Variants in ZNF787 observed in about 807,000 individuals in gnomAD.
The protein encoded by ZNF787 is TTF-I-interacting peptide 20.
A neutral mutation model predicts 16.9 loss-of-function variants in ZNF787; 7 were observed. That is an observed-to-expected ratio of 0.42 (90% CI 0.24 to 0.78). The LOEUF is 0.78. Ranked by LOEUF, ZNF787 falls within the 30% of genes least tolerant of loss-of-function variation. The pLI, the probability that ZNF787 is intolerant of heterozygous loss-of-function variation, is 0.30. For missense variants in ZNF787, 551 were observed against 589.3 expected (o/e 0.94, Z 0.67); for synonymous variants, 345 against 270.9 (o/e 1.27, Z -2.69).
At chr19:56,090,323 A>G (rs609755) in intron 2 of ZNF787, among the ~76,000 whole-genome samples, 144,702 of 152,176 alleles carry the variant, frequency 0.95, 69,432 homozygotes, top group African/African-American at 0.99. Flanking sequence ...GTCGAGTCAC[A>G]GCCCACAGCT....
intron 1 of ZNF787, among the ~76,000 whole-genome samples, chr19:56,111,712 C>T (rs562071874): frequency 1.3e-5 from 2 of 152,090 alleles, no homozygotes; most frequent in South Asian, 4.2e-4. Context: ...TCCCAACTTC[C>T]TCTCCGAGAA....
chr19:56,114,554 G>T (rs138983290), intron 1 of ZNF787, among the ~76,000 whole-genome samples: 236 of 151,972 alleles, frequency 1.6e-3, no homozygotes, highest in African/African-American at 5.4e-3. Flanking sequence ...GCCGGGCTCA[G>T]TCCTCCACCT....
At chr19:56,096,490 G>A (rs941636733) in intron 2 of ZNF787, among the ~76,000 whole-genome samples, 1 of 151,800 alleles carries the variant, frequency 6.6e-6, no homozygotes, top group African/African-American at 2.4e-5. Flanking sequence ...CGAGGCGGGT[G>A]GATCACGAGG....
At chr19:56,092,058 C>G (rs541068999) in intron 2 of ZNF787, among the ~76,000 whole-genome samples, 92 of 142,556 alleles carry the variant, frequency 6.5e-4, no homozygotes, top group African/African-American at 2.7e-3. Context: ...CTCACCCTCA[C>G]CCTCACCCTC....
At position 56,087,836 on chromosome 19, in the gene ZNF787, T is replaced by C. The variant is rs1985350170; in HGVS notation, c.*187A>G. ...GGGGCAGAGTCTCGAGGCGGAGAAGTGAACGGGCCCTAATACGCCCCAGTG... is the reference window on the plus strand; with the variant it reads ...GGGGCAGAGTCTCGAGGCGGAGAAGCGAACGGGCCCTAATACGCCCCAGTG... On this transcript the variant is annotated 3_prime_UTR_variant, in exon 3 of 3. Transcript: ENST00000610935. 3.1e-6 allele frequency: 3 copies of C among 953,564 alleles called. No individual in the cohort carries two copies. Among genetic ancestry groups the C allele is most frequent in the Non-Finnish European group, 4.1e-6 (3 of 736,700 alleles). The allele number at this position is 953,564 out of a possible 1,614,324, so 59.1% of individuals were successfully genotyped here. A position where few individuals can be genotyped will look rare whatever the true frequency, so the allele number is the denominator to read the frequency against.
chr19:56,102,987 G>A (rs2123410231), intron 2 of ZNF787, 152 bp downstream of exon 2: 1 of 779,744 alleles, frequency 1.3e-6, no homozygotes, highest in East Asian at 2.6e-5. Context: ...GGAGTGCAAG[G>A]CCCAGGGCGG....
At chr19:56,105,244 C>G (rs928033243) in intron 1 of ZNF787, among the ~76,000 whole-genome samples, 1 of 152,174 alleles carries the variant, frequency 6.6e-6, no homozygotes, top group Non-Finnish European at 1.5e-5. Flanking sequence ...CCTGAACCCT[C>G]GCACAGATCA....
chr19:56,107,424 G>A (rs1029249383), intron 1 of ZNF787, among the ~76,000 whole-genome samples: 1 of 152,062 alleles, frequency 6.6e-6, no homozygotes, highest in African/African-American at 2.4e-5. Context: ...CAGCAGACAT[G>A]GGGTCACCAG....
chr19:56,095,840 T>C (rs1268481912), intron 2 of ZNF787, among the ~76,000 whole-genome samples: 1 of 152,168 alleles, frequency 6.6e-6, no homozygotes, highest in Non-Finnish European at 1.5e-5. Context: ...CCTGCCCAGC[T>C]TTGCAGTGAA....
At chr19:56,107,877 A>G (rs1475453962) in intron 1 of ZNF787, among the ~76,000 whole-genome samples, 1 of 147,210 alleles carries the variant, frequency 6.8e-6, no homozygotes, top group Non-Finnish European at 1.5e-5. Context: ...GGGCTGCGGA[A>G]GAGAGAGCTT....
Position 56,087,745 on chromosome 19 carries a change from T to G in ZNF787, c.*278A>C, listed in dbSNP as rs1243227043. 2 of 324,208 alleles carry G rather than the reference T, an allele frequency of 6.2e-6. No individual in the cohort carries two copies. Among genetic ancestry groups the G allele is most frequent in the African/African-American group, 4.4e-5 (2 of 45,114 alleles). The allele number at this position is 324,208 out of a possible 1,614,324, so 20.1% of individuals were successfully genotyped here. Reference sequence around the variant, plus strand: ...TGGGGCCTGGTCGCCACTCGGCCTCTGCAGTTCTCTCCATTGTCTCTCCGG... The same window carrying G: ...TGGGGCCTGGTCGCCACTCGGCCTCGGCAGTTCTCTCCATTGTCTCTCCGG... On this transcript the variant is annotated 3_prime_UTR_variant, in exon 3 of 3. Transcript: ENST00000610935.
intron 2 of ZNF787, among the ~76,000 whole-genome samples, chr19:56,099,068 A>G (rs1985991835): frequency 6.6e-6 from 1 of 152,170 alleles, no homozygotes; most frequent in South Asian, 2.1e-4. Context: ...TCCCGCCTGC[A>G]GGCCAGCTGC....
rs1316540668 is a variant in ZNF787, at chr19:56,087,586, C to G, written c.*437G>C. ...AAGGTGGGCTGATTAAAAGAAAATTCTAAAAGAGAAAAGGGCCCCTGGTTC... is the reference window on the plus strand; with the variant it reads ...AAGGTGGGCTGATTAAAAGAAAATTGTAAAAGAGAAAAGGGCCCCTGGTTC... On this transcript the variant is annotated 3_prime_UTR_variant, in exon 3 of 3. Transcript: ENST00000610935. 1 of 143,440 alleles carries G rather than the reference C, an allele frequency of 7.0e-6. No individual in the cohort carries two copies. The highest frequency in any genetic ancestry group is 1.5e-5 in the Non-Finnish European group (1 of 65,616). 8.9% of individuals were successfully genotyped at this position (143,440 alleles called of 1,614,324 possible).
At chr19:56,106,368 G>A (rs906632446) in intron 1 of ZNF787, among the ~76,000 whole-genome samples, 3 of 152,226 alleles carry the variant, frequency 2.0e-5, no homozygotes, top group Non-Finnish European at 2.9e-5. Context: ...CTTCCACAGC[G>A]GGCATTGTGT....
intron 2 of ZNF787, among the ~76,000 whole-genome samples, chr19:56,093,868 C>T (rs766304503): frequency 2.0e-5 from 3 of 152,194 alleles, no homozygotes; most frequent in Admixed American, 6.5e-5. Flanking sequence ...TCTTTCAATG[C>T]GCAGCTTTCA....
At chr19:56,097,726 G>T (rs1985924906) in intron 2 of ZNF787, among the ~76,000 whole-genome samples, 2 of 152,330 alleles carry the variant, frequency 1.3e-5, no homozygotes, top group South Asian at 4.1e-4. Flanking sequence ...GGCCCTGACG[G>T]CAAAGGCGCT....
Position 56,090,692 on chromosome 19 carries a change from C to A in ZNF787, c.80-1600G>T, listed in dbSNP as rs2123389514. Reference sequence around the variant, plus strand: ...CAAAAATTAGCCGGGCGTGGTGGCGCATGCCTGTAGTCCCAGCTACTTGGA... The same window carrying A: ...CAAAAATTAGCCGGGCGTGGTGGCGAATGCCTGTAGTCCCAGCTACTTGGA... On this transcript the variant is annotated intron_variant, in intron 2 of 2. Transcript: ENST00000610935. 2.0e-5 allele frequency among the ~76,000 whole-genome samples: 3 copies of A among 152,286 alleles called. No homozygotes were observed. The Middle Eastern group carries it at 0.01, about 518-fold the overall frequency.
At chr19:56,094,092 C>T (rs898948779) in intron 2 of ZNF787, among the ~76,000 whole-genome samples, 4 of 151,920 alleles carry the variant, frequency 2.6e-5, no homozygotes, top group Admixed American at 2.6e-4. Context: ...GACATGATCT[C>T]GGCTCACTGC....
chr19:56,097,932 G>T (rs1044887074), intron 2 of ZNF787, among the ~76,000 whole-genome samples: 1 of 152,004 alleles, frequency 6.6e-6, no homozygotes, highest in Non-Finnish European at 1.5e-5. Flanking sequence ...GGGAGGCTTG[G>T]GGGAGAAGAG....
Sources: gnomAD v4.1 joint callset for allele counts (sites outside exome capture counted in the v4.1 genomes callset) on GRCh38, gnomAD v4.1.1 for gene constraint, MANE v1.5 for transcripts, NCBI Gene and HGNC (gene_info 2026-07-23, HGNC 2026-07-21) for gene names.